Variants in KHDRBS2 observed in about 807,000 individuals in gnomAD.
The protein encoded by KHDRBS2 is KH domain-containing, RNA-binding, signal transduction-associated protein 2.
KHDRBS2 carries 26 observed loss-of-function variants against 44.3 expected under a neutral mutation model. The observed-to-expected ratio is 0.59, with a 90% CI of 0.43 to 0.81. KHDRBS2 has a LOEUF of 0.81. Ranked by LOEUF, KHDRBS2 falls within the 40% of genes least tolerant of loss-of-function variation. The probability of loss-of-function intolerance (pLI) is 0.00; values close to 1 mark genes in which losing one functional copy is unlikely to be tolerated. For missense variants in KHDRBS2, 476 were observed against 433.1 expected, an observed-to-expected ratio of 1.10 and a Z score of -0.88; for synonymous variants, 194 against 151.1, an observed-to-expected ratio of 1.28 and a Z score of -2.08.
chr6:62,175,049 T>A (rs1199860457), intron 2 of KHDRBS2, among the ~76,000 whole-genome samples: 1 of 151,598 alleles, frequency 6.6e-6, no homozygotes, highest in African/African-American at 2.4e-5. Context: ...TATGGTTTGT[T>A]TTCAAAAGAT....
At chr6:62,225,696 A>AC (rs1831663501) in intron 1 of KHDRBS2, among the ~76,000 whole-genome samples, 1 of 126,900 alleles carries the variant, frequency 7.9e-6, no homozygotes, top group South Asian at 2.5e-4. Flanking sequence ...CTCGGCCCCC[A>AC]CCCCCAACTG....
chr6:61,878,801 T>C (rs1799808712), intron 6 of KHDRBS2, among the ~76,000 whole-genome samples: 1 of 152,018 alleles, frequency 6.6e-6, no homozygotes, highest in African/African-American at 2.4e-5. Flanking sequence ...ACTTACTGGC[T>C]AGGCAACTTT....
chr6:61,594,396 TAAAGTTGTC>T, the KHDRBS2 span, among the ~76,000 whole-genome samples: 124 of 152,262 alleles, frequency 8.1e-4, no homozygotes, highest in East Asian at 6.0e-3. Flanking sequence ...TGTATGATCT[TAAAGTTGTC>T]AGAAACCTGT....
intron 6 of KHDRBS2, among the ~76,000 whole-genome samples, chr6:61,822,389 T>A (rs1040003318): frequency 6.6e-6 from 1 of 152,004 alleles, no homozygotes; most frequent in African/African-American, 2.4e-5. Context: ...CTTTATTCTC[T>A]AAATATTTCA....
intron 2 of KHDRBS2, among the ~76,000 whole-genome samples, chr6:62,168,272 C>T (rs1220954147): frequency 6.6e-6 from 1 of 152,096 alleles, no homozygotes; most frequent in Non-Finnish European, 1.5e-5. Flanking sequence ...TTGGCAGTAA[C>T]TCAAGTCAAG....
intron 6 of KHDRBS2, among the ~76,000 whole-genome samples, chr6:61,743,131 T>C (rs994438069): frequency 6.6e-6 from 1 of 152,120 alleles, no homozygotes; most frequent in African/African-American, 2.4e-5. Context: ...GTGGAAGTTG[T>C]ATATATTTAA....
chr6:61,567,875 G>A, the KHDRBS2 span, among the ~76,000 whole-genome samples: 2 of 152,156 alleles, frequency 1.3e-5, no homozygotes, highest in Non-Finnish European at 2.9e-5. Flanking sequence ...ATGTGAGGGT[G>A]ATCTAGCTGT....
chr6:61,953,578 C>G (rs1454563527), intron 4 of KHDRBS2, among the ~76,000 whole-genome samples: 1 of 152,008 alleles, frequency 6.6e-6, no homozygotes, highest in Non-Finnish European at 1.5e-5. Context: ...ACTGAAAAAG[C>G]AGGCTACTAG....
At chr6:61,621,467 C>T in the KHDRBS2 span, among the ~76,000 whole-genome samples, 3 of 152,148 alleles carry the variant, frequency 2.0e-5, no homozygotes, top group Non-Finnish European at 4.4e-5. Context: ...AGTGAAAGAG[C>T]TGACACAGCT....
rs566730701 is a variant in KHDRBS2, at chr6:62,253,851, A to C, written c.91+32007T>G. 3.3e-5 allele frequency among the ~76,000 whole-genome samples: 5 copies of C among 152,080 alleles called. No homozygotes were observed. In the East Asian group the frequency reaches 9.7e-4, roughly 30 times the overall value. Reference sequence around the variant, plus strand: ...TTAGCATTATTATTGCAAAATCATAAAATTTTGCTATTTCTGGTATAACAG... The same window carrying C: ...TTAGCATTATTATTGCAAAATCATACAATTTTGCTATTTCTGGTATAACAG... On this transcript the variant is annotated intron_variant, in intron 1 of 8. Transcript: ENST00000281156.
At chr6:61,990,071 C>T (rs1207946306) in intron 3 of KHDRBS2, among the ~76,000 whole-genome samples, 1 of 152,154 alleles carries the variant, frequency 6.6e-6, no homozygotes, top group African/African-American at 2.4e-5. Flanking sequence ...CTCTGGGTTC[C>T]ATTCATTTTC....
At chr6:61,870,782 G>A (rs572911408) in intron 6 of KHDRBS2, among the ~76,000 whole-genome samples, 1 of 146,090 alleles carries the variant, frequency 6.8e-6, no homozygotes, top group African/African-American at 2.4e-5. Flanking sequence ...CAGCAGAGGG[G>A]CCTGACTATT....
chr6:61,593,474 GTTTTT>G, the KHDRBS2 span, among the ~76,000 whole-genome samples: 30 of 146,422 alleles, frequency 2.0e-4, no homozygotes, highest in Middle Eastern at 3.6e-3. Flanking sequence ...TGTACTATAG[GTTTTT>G]TTTTTTTTTT....
chr6:61,946,855 T>C (rs1374121556), intron 4 of KHDRBS2, among the ~76,000 whole-genome samples: 1 of 152,152 alleles, frequency 6.6e-6, no homozygotes, highest in Non-Finnish European at 1.5e-5. Flanking sequence ...CTATCTGCTA[T>C]TGCCTTTCAC....
At chr6:61,952,250 A>G (rs1297885121) in intron 4 of KHDRBS2, among the ~76,000 whole-genome samples, 1 of 152,064 alleles carries the variant, frequency 6.6e-6, no homozygotes, top group East Asian at 1.9e-4. Context: ...ACTACATTGA[A>G]AAGGCAGACT....
chr6:61,657,587 C>G, the KHDRBS2 span, among the ~76,000 whole-genome samples: 3 of 151,898 alleles, frequency 2.0e-5, no homozygotes, highest in South Asian at 6.2e-4. Context: ...ACAAAACAAA[C>G]GTGTCCTACA....
intron 2 of KHDRBS2, among the ~76,000 whole-genome samples, chr6:62,139,103 A>T (rs549287835): frequency 2.4e-4 from 37 of 152,192 alleles, no homozygotes; most frequent in African/African-American, 8.2e-4. Flanking sequence ...AGGATTTTTG[A>T]AACCTTTAGT....
At chr6:62,039,363 T>G (rs1013929506) in intron 3 of KHDRBS2, among the ~76,000 whole-genome samples, 27 of 151,800 alleles carry the variant, frequency 1.8e-4, no homozygotes, top group Admixed American at 1.5e-3. Context: ...TATATAGAAT[T>G]TCATACAATT....
chr6:62,202,669 G>C (rs1827234613), intron 1 of KHDRBS2, among the ~76,000 whole-genome samples: 1 of 151,924 alleles, frequency 6.6e-6, no homozygotes, highest in Non-Finnish European at 1.5e-5. Flanking sequence ...TGGTCTGCTT[G>C]GTAAGACAAA....
Sources: gnomAD v4.1 joint callset for allele counts (sites outside exome capture counted in the v4.1 genomes callset) on GRCh38, gnomAD v4.1.1 for gene constraint, MANE v1.5 for transcripts, NCBI Gene and HGNC (gene_info 2026-07-23, HGNC 2026-07-21) for gene names.